The following MGRN1 variants were observed in gnomAD, a reference collection of about 807,000 sequenced individuals.
MGRN1 encodes mahogunin ring finger 1, also known as E3 ubiquitin-protein ligase MGRN1.
In MGRN1, 29 loss-of-function variants were observed where a neutral mutation model predicts 69.2. The observed-to-expected ratio is 0.42, with a 90% CI of 0.31 to 0.57. MGRN1 has a LOEUF of 0.57. Ranked by LOEUF, MGRN1 falls within the 20% of genes least tolerant of loss-of-function variation. The pLI, the probability that MGRN1 is intolerant of heterozygous loss-of-function variation, is 0.15. For synonymous variants in MGRN1, 470 were observed against 344.2 expected, an observed-to-expected ratio of 1.37 and a Z score of -4.04; for missense variants, 998 against 796.2, an observed-to-expected ratio of 1.25 and a Z score of -3.05.
chr16:4,666,754 CA>C lies in MGRN1; in HGVS notation c.679-1510del, dbSNP rs540439651. Among the ~76,000 whole-genome samples, 213 of 152,318 alleles carry C rather than the reference CA, an allele frequency of 1.4e-3. 3 individuals are homozygous for C. The highest frequency in any genetic ancestry group is 9.3e-3 in the Admixed American group (142 of 15,306). On this transcript the variant is annotated intron_variant, in intron 7 of 16. Coordinates refer to ENST00000262370, the MANE Select transcript of MGRN1 (RefSeq NM_015246.4). Reference sequence around the variant, plus strand: ...CAGGCTGGGCAGGCCCTGCTTCCTACAGGAGCCTTTTCCTGACACCACTCAG... The same window carrying C: ...CAGGCTGGGCAGGCCCTGCTTCCTACGGAGCCTTTTCCTGACACCACTCAG...
At chr16:4,667,380 G>A (rs180814896) in intron 7 of MGRN1, among the ~76,000 whole-genome samples, 1 of 152,354 alleles carries the variant, frequency 6.6e-6, no homozygotes, top group African/African-American at 2.4e-5. Context: ...GGTGACACAA[G>A]TGCCCTGGGC....
rs974201722 is a variant in MGRN1 at position 4,688,272 on chromosome 16, C to T, written c.1619-524C>T. ...ATCTGGGGACAGCGCCCGGCGGCGTCGTGCAGGCCACAGTCTGGGCATTGG... is the reference window on the plus strand; with the variant it reads ...ATCTGGGGACAGCGCCCGGCGGCGTTGTGCAGGCCACAGTCTGGGCATTGG... On this transcript the variant is annotated intron_variant, in intron 16 of 16. Transcript: ENST00000262370. The T allele has an allele frequency of 3.7e-5, 36 of 985,816 alleles. No individual in the cohort carries two copies. In the Admixed American group the frequency reaches 1.2e-3, roughly 34 times the overall value. 61.1% of individuals were successfully genotyped at this position (985,816 alleles called of 1,614,324 possible). A position where few individuals can be genotyped will look rare whatever the true frequency, so the allele number is the denominator to read the frequency against.
chr16:4,687,866 T>G (rs2079367869), intron 16 of MGRN1: 3 of 985,332 alleles, frequency 3.0e-6, no homozygotes. Flanking sequence ...AACCTCTGTC[T>G]TCTTGAGCCC....
Position 4,673,534 on chromosome 16 carries a change from TG to T in MGRN1, c.833del (p.Cys278LeufsTer12). 6.2e-7 allele frequency: 1 copy of T among 1,613,250 alleles called. No homozygotes were observed. Among genetic ancestry groups the T allele is most frequent in the Non-Finnish European group, 8.5e-7 (1 of 1,179,908 alleles). On this transcript the variant is annotated frameshift_variant, in exon 10 of 17. Transcript: ENST00000262370. LOFTEE classifies it high-confidence loss of function. ...CGAGAACAGCGACAACAGCAACGAGTGTGTGGTGTGCCTGTCCGACCTGCGG... is the reference window on the plus strand; with the variant it reads ...CGAGAACAGCGACAACAGCAACGAGTTGTGGTGTGCCTGTCCGACCTGCGG... ...DDENSDNSNE[C>X]VVCLSDLRDT...
At chr16:4,632,305 C>T (rs185754268) in intron 1 of MGRN1, among the ~76,000 whole-genome samples, 22 of 151,950 alleles carry the variant, frequency 1.4e-4, no homozygotes, top group South Asian at 4.2e-4. Context: ...TGAGCCACTG[C>T]GCCCGGCTAT....
intron 5 of MGRN1, among the ~76,000 whole-genome samples, chr16:4,661,415 G>C (rs1485640054): frequency 6.6e-6 from 1 of 152,252 alleles, no homozygotes; most frequent in Non-Finnish European, 1.5e-5. Context: ...GTCGGCTCCT[G>C]TTGCCTGGAC....
chr16:4,672,585 T>A, intron 9 of MGRN1: 1 of 398,352 alleles, frequency 2.5e-6, no homozygotes, highest in Admixed American at 2.8e-5. Flanking sequence ...GGGAATGTTT[T>A]CAGCCGCCCG....
chr16:4,666,687 C>T (rs568426704), intron 7 of MGRN1, among the ~76,000 whole-genome samples: 6 of 152,352 alleles, frequency 3.9e-5, no homozygotes, highest in East Asian at 3.9e-4. Context: ...ACCCCCAGTC[C>T]TGCTGCTCCT....
chr16:4,646,874 C>A (rs2078285580), intron 1 of MGRN1, among the ~76,000 whole-genome samples: 2 of 152,168 alleles, frequency 1.3e-5, no homozygotes, highest in Admixed American at 6.5e-5. Flanking sequence ...GACCAGGGAC[C>A]TGTCTCCTGC....
At chr16:4,673,457 C>G in intron 9 of MGRN1, 41 bp from the exon 10 acceptor site, 2 of 1,600,636 alleles carry the variant, frequency 1.2e-6, no homozygotes, top group East Asian at 2.2e-5. Context: ...CGTACTCTGG[C>G]CTTTGGGAGG....
chr16:4,633,030 C>G (rs1488209034), intron 1 of MGRN1, among the ~76,000 whole-genome samples: 1 of 152,156 alleles, frequency 6.6e-6, no homozygotes, highest in African/African-American at 2.4e-5. Context: ...CTGCAGTGAG[C>G]TATGATTGCC....
At chr16:4,642,620 G>A (rs1474187495) in intron 1 of MGRN1, among the ~76,000 whole-genome samples, 4 of 151,828 alleles carry the variant, frequency 2.6e-5, no homozygotes, top group Non-Finnish European at 4.4e-5. Context: ...CACCGCACCC[G>A]GCCCTAATTT....
At chr16:4,650,550 A>T in intron 2 of MGRN1, 67 bp downstream of exon 2, 1 of 1,277,218 alleles carries the variant, frequency 7.8e-7, no homozygotes, top group East Asian at 2.5e-5. Context: ...AGCAGTCCGC[A>T]TCCCAGCCAT....
chr16:4,661,767 C>G (rs1324805262), intron 5 of MGRN1, among the ~76,000 whole-genome samples: 1 of 152,246 alleles, frequency 6.6e-6, no homozygotes, highest in African/African-American at 2.4e-5. Flanking sequence ...TGGCTGGAAC[C>G]CCTGACCCTT....
intron 16 of MGRN1, chr16:4,687,011 T>C: frequency 1.0e-6 from 1 of 985,236 alleles, no homozygotes; most frequent in Non-Finnish European, 1.2e-6. Flanking sequence ...AGCCACCTGC[T>C]CCCCCGCTCC....
At chr16:4,635,801 ATTTTT>A (rs34343082) in intron 1 of MGRN1, among the ~76,000 whole-genome samples, 2 of 125,696 alleles carry the variant, frequency 1.6e-5, no homozygotes, top group African/African-American at 3.2e-5. Context: ...CGCCCAGCTA[ATTTTT>A]TTTTTTTTTT....
intron 1 of MGRN1, among the ~76,000 whole-genome samples, chr16:4,641,064 G>C (rs1271158807): frequency 6.6e-6 from 1 of 152,220 alleles, no homozygotes; most frequent in African/African-American, 2.4e-5. Flanking sequence ...CTCCACAGCT[G>C]CCTTCCCACT....
chr16:4,655,416 C>A (rs112943385), intron 4 of MGRN1, among the ~76,000 whole-genome samples: 5 of 152,310 alleles, frequency 3.3e-5, no homozygotes, highest in East Asian at 3.9e-4. Context: ...CAGTCCCCCC[C>A]TCTCAGGACC....
At position 4,689,370 on chromosome 16, in the gene MGRN1, T is replaced by TGCCTGTCC; in HGVS notation, c.*463_*470dup. The TGCCTGTCC allele has an allele frequency of 1.3e-5, 2 of 156,008 alleles. No individual in the cohort carries two copies. Among genetic ancestry groups the TGCCTGTCC allele is most frequent in the Middle Eastern group, 6.4e-3 (2 of 312 alleles). 9.7% of individuals were successfully genotyped at this position (156,008 alleles called of 1,614,324 possible). ...CAGGCACGGTCAATGAAGGAAACAG[T>TGCCTGTCC]GCCTGTCCACCCACCCTGCGTGTCA... On this transcript the variant is annotated 3_prime_UTR_variant, in exon 17 of 17. Coordinates refer to ENST00000262370, the MANE Select transcript of MGRN1 (RefSeq NM_015246.4).
Sources: allele counts gnomAD v4.1 joint callset (sites outside exome capture counted in the v4.1 genomes callset), GRCh38; gene constraint gnomAD v4.1.1; transcripts MANE v1.5; gene names NCBI Gene and HGNC (gene_info 2026-07-23, HGNC 2026-07-21).